TMPRSS2: variants seen among roughly 807,000 people sequenced by gnomAD.
TMPRSS2 encodes transmembrane serine protease 2, also known as transmembrane protease serine 2.
TMPRSS2 carries 59 observed loss-of-function variants against 67.4 expected under a neutral mutation model. The observed-to-expected ratio is 0.88, with a 90% CI of 0.71 to 1.09. The LOEUF (loss-of-function observed/expected upper bound fraction) is 1.09. Ranked by LOEUF, TMPRSS2 falls within the 50% of genes least tolerant of loss-of-function variation. The pLI is 0.00. For synonymous variants in TMPRSS2, 257 were observed against 257.0 expected, an observed-to-expected ratio of 1.00 and a Z score of 0.00; for missense variants, 668 against 642.7, an observed-to-expected ratio of 1.04 and a Z score of -0.43.
intron 13 of TMPRSS2, 25 bp downstream of exon 13, chr21:41,467,709 G>A (rs750191076): frequency 2.5e-6 from 4 of 1,612,326 alleles, no homozygotes; most frequent in Non-Finnish European, 3.4e-6. Context: ...GGAGAACACA[G>A]TCAGAAGGAG....
intron 1 of TMPRSS2, among the ~76,000 whole-genome samples, chr21:41,505,682 CAGGAACA>C (rs2091452967): frequency 6.6e-6 from 1 of 152,166 alleles, no homozygotes; most frequent in South Asian, 2.1e-4. Context: ...GAGCCTGGCC[CAGGAACA>C]AGCCCTTTTC....
rs151152524 is a variant in TMPRSS2 at position 41,489,441 on chromosome 21, A to C, written c.325+66T>G. ...CAGAGGTCTCAATAGCCCAGAGAGCAGGGTCTGGCTCAGAGCACTGGGGAC... is the reference window on the plus strand; with the variant it reads ...CAGAGGTCTCAATAGCCCAGAGAGCCGGGTCTGGCTCAGAGCACTGGGGAC... On this transcript the variant is annotated intron_variant, in intron 4 of 13. Coordinates refer to ENST00000332149, the MANE Select transcript of TMPRSS2 (RefSeq NM_005656.4). 1,346 of 1,377,810 alleles carry C rather than the reference A, an allele frequency of 9.8e-4. 9 individuals carry two copies. In the Middle Eastern group the frequency reaches 0.017, roughly 17 times the overall value. 85.3% of individuals were successfully genotyped at this position (1,377,810 alleles called of 1,614,324 possible). A position where few individuals can be genotyped will look rare whatever the true frequency, so the allele number is the denominator to read the frequency against.
At chr21:41,469,729 A>T (rs1345919149) in intron 11 of TMPRSS2, among the ~76,000 whole-genome samples, 1 of 151,496 alleles carries the variant, frequency 6.6e-6, no homozygotes, top group African/African-American at 2.4e-5. Flanking sequence ...CTGTCTGACC[A>T]CACCTGCCCC....
At chr21:41,480,338 T>A in intron 6 of TMPRSS2, 138 bp downstream of exon 6, 1 of 1,409,064 alleles carries the variant, frequency 7.1e-7, no homozygotes, top group South Asian at 1.4e-5. Flanking sequence ...ACCTGCTGGT[T>A]ATAGGGCTCA....
chr21:41,473,198 G>A, intron 9 of TMPRSS2, 127 bp downstream of exon 9: 1 of 1,105,094 alleles, frequency 9.0e-7, no homozygotes, highest in South Asian at 1.6e-5. Flanking sequence ...CTAGGAAGCA[G>A]GTGCAATACT....
rs1433342428 is a variant in TMPRSS2, at chr21:41,468,475, C to T, written c.1235G>A (p.Ser412Asn). 6 of 1,614,172 alleles carry T rather than the reference C, an allele frequency of 3.7e-6. No homozygotes were observed. The highest frequency in any genetic ancestry group is 4.2e-6 in the Non-Finnish European group (5 of 1,180,032). The change falls in exon 12 of 14, where the codon AGC becomes AAC. Residue 412 changes from serine (S) to asparagine (N), a missense_variant. Ser to Asn is a conservative substitution (Grantham distance 46). Coordinates refer to ENST00000332149, the MANE Select transcript of TMPRSS2 (RefSeq NM_005656.4). ...VLLIETQRCN[S>N]RYVYDNLITP... ...GATCAGGTTGTCATAGACATATCTG[C>T]TGTTGCATCTCTGTGTCTCAATGAG... is the stretch of plus-strand genomic sequence containing the variant.
At chr21:41,498,245 A>T in intron 1 of TMPRSS2, 56 bp from the exon 2 acceptor site, 2 of 1,212,360 alleles carry the variant, frequency 1.6e-6, no homozygotes, top group Non-Finnish European at 2.4e-6. Flanking sequence ...TTTTTAGAAG[A>T]TAAATCTGGA....
intron 6 of TMPRSS2, among the ~76,000 whole-genome samples, chr21:41,479,493 T>C (rs946247200): frequency 1.3e-5 from 2 of 152,174 alleles, no homozygotes; most frequent in South Asian, 2.1e-4. Context: ...AATTCCTTCA[T>C]TGGTCGTGTT....
Position 41,464,609 on chromosome 21 carries a change from C to G in TMPRSS2, c.*1533G>C. ...CATGATATTCATTTTCACAATTGAA[C>G]TTTACAGTTTAAAAAAGATACAAAA... On this transcript the variant is annotated 3_prime_UTR_variant, in exon 14 of 14. Coordinates refer to ENST00000332149, the MANE Select transcript of TMPRSS2 (RefSeq NM_005656.4). 1 of 232,104 alleles carries G rather than the reference C, an allele frequency of 4.3e-6. No individual in the cohort carries two copies. Among genetic ancestry groups the G allele is most frequent in the East Asian group, 6.1e-5 (1 of 16,420 alleles). 14.4% of individuals were successfully genotyped at this position (232,104 alleles called of 1,614,324 possible).
intron 9 of TMPRSS2, 111 bp downstream of exon 9, chr21:41,473,214 C>T (rs1325792968): frequency 3.2e-6 from 4 of 1,259,708 alleles, no homozygotes; most frequent in Non-Finnish European, 4.3e-6. Context: ...ATACTCTCCC[C>T]ATTTAAACAC....
Position 41,473,311 on chromosome 21 carries a change from C to T in TMPRSS2, c.899+14G>A, listed in dbSNP as rs368616850. ...CCCTGAGCCCCCACCCGGCCCGCGC[C>T]GCCCCTGGCATACTTTTCCACGCAG... is the stretch of plus-strand genomic sequence containing the variant. On this transcript the variant is annotated intron_variant, in intron 9 of 13. Transcript: ENST00000332149. The T allele has an allele frequency of 2.8e-4, 440 of 1,575,264 alleles. No homozygotes were observed. Among genetic ancestry groups the T allele is most frequent in the Middle Eastern group, 4.5e-4 (2 of 4,468 alleles).
intron 5 of TMPRSS2, 69 bp from the exon 6 acceptor site, chr21:41,480,671 C>T (rs1258602701): frequency 6.4e-6 from 10 of 1,562,768 alleles, no homozygotes; most frequent in Non-Finnish European, 6.9e-6. Flanking sequence ...CGGAGTCTCG[C>T]TCTGTCACCT....
intron 2 of TMPRSS2, among the ~76,000 whole-genome samples, 200 bp downstream of exon 2, chr21:41,497,919 T>G (rs1157579531): frequency 6.6e-6 from 1 of 152,204 alleles, no homozygotes; most frequent in East Asian, 1.9e-4. Flanking sequence ...CCAACAGCCA[T>G]GGCTCTTGCG....
chr21:41,507,217 A>G (rs1304892651), intron 1 of TMPRSS2, among the ~76,000 whole-genome samples: 1 of 152,180 alleles, frequency 6.6e-6, no homozygotes, highest in Non-Finnish European at 1.5e-5. Context: ...CCACTGCCAG[A>G]CTGGAGCACT....
rs1033330941 is a variant in TMPRSS2 at position 41,473,548 on chromosome 21, A to T, written c.728-52T>A. The T allele has an allele frequency of 4.5e-6, 7 of 1,543,514 alleles. No individual in the cohort carries two copies. In the African/African-American group the frequency reaches 9.5e-5, roughly 21 times the overall value. ...GGGGTGAGACCAGCAGAAGCCGCCC[A>T]GCCACCCAGCGCCCGCCCCTCCCAA... On this transcript the variant is annotated intron_variant, in intron 8 of 13. Coordinates refer to ENST00000332149, the MANE Select transcript of TMPRSS2 (RefSeq NM_005656.4).
Position 41,473,257 on chromosome 21 carries a change from C to T in TMPRSS2, c.899+68G>A. ...CCGGGGCTGCAAGGGTTGAGACCTG[C>T]TCAAGGTCACAGGGTGGCTGTAGGC... On this transcript the variant is annotated intron_variant, in intron 9 of 13. Coordinates refer to ENST00000332149, the MANE Select transcript of TMPRSS2 (RefSeq NM_005656.4). The T allele has an allele frequency of 1.2e-5, 18 of 1,487,460 alleles. No homozygotes were observed. In the South Asian group the frequency reaches 2.2e-4, roughly 18 times the overall value. The allele number at this position is 1,487,460 out of a possible 1,614,324, so 92.1% of individuals were successfully genotyped here.
intron 2 of TMPRSS2, among the ~76,000 whole-genome samples, chr21:41,497,423 A>G (rs890673978): frequency 3.9e-5 from 6 of 152,202 alleles, no homozygotes; most frequent in African/African-American, 1.4e-4. Flanking sequence ...AGAGGCTGCA[A>G]TCTCAGCCAT....
At chr21:41,493,237 C>T (rs944152000) in intron 3 of TMPRSS2, among the ~76,000 whole-genome samples, 5 of 151,690 alleles carry the variant, frequency 3.3e-5, no homozygotes, top group East Asian at 1.9e-4. Context: ...TGGGGAGCAT[C>T]GGAAGAAGGG....
intron 5 of TMPRSS2, chr21:41,487,371 T>C (rs2091306190): frequency 6.6e-6 from 1 of 152,026 alleles, no homozygotes; most frequent in Non-Finnish European, 1.5e-5. Context: ...GAAAGGCAGC[T>C]ATCAGAGGCT....
Sources: gnomAD v4.1 joint callset for allele counts (sites outside exome capture counted in the v4.1 genomes callset) on GRCh38, gnomAD v4.1.1 for gene constraint, MANE v1.5 for transcripts, NCBI Gene and HGNC (gene_info 2026-07-23, HGNC 2026-07-21) for gene names.